Variants in ERG28 observed in about 807,000 individuals in gnomAD.
ERG28 encodes ergosterol biosynthetic protein 28 homolog.
In ERG28, 9 loss-of-function variants were observed where a neutral mutation model predicts 15.7. The observed-to-expected ratio is 0.57, with a 90% CI of 0.35 to 1.00. ERG28 has a LOEUF of 1.00. Among genes scored for constraint, ERG28 ranks in the 50% least tolerant of loss-of-function variants. ERG28 has a pLI of 0.02. For synonymous variants in ERG28, 61 were observed against 68.4 expected (o/e 0.89, Z 0.53); for missense variants, 117 against 173.3 (o/e 0.68, Z 1.82).
chr14:75,659,522 C>A lies in ERG28; in HGVS notation c.-32+1253G>T, dbSNP rs150397813. The stretch of plus-strand genomic sequence containing the variant: ...TGATCCACTCACCTTGGCCTCGCCT[C>A]CCAAATGCTGGGATTACAGGTGTGA... On this transcript the variant is annotated intron_variant, in intron 1 of 4. Transcript: ENST00000256319. Among the ~76,000 whole-genome samples the A allele has an allele frequency of 5.0e-4, 76 of 151,036 alleles. 1 individual carries two copies. In the East Asian group the frequency reaches 0.01, roughly 21 times the overall value.
At chr14:75,656,438 T>C (rs1368080977) in intron 2 of ERG28, among the ~76,000 whole-genome samples, 1 of 152,142 alleles carries the variant, frequency 6.6e-6, no homozygotes, top group Non-Finnish European at 1.5e-5. Flanking sequence ...TGAATCTATA[T>C]AGGGTTCCAT....
intron 1 of ERG28, among the ~76,000 whole-genome samples, chr14:75,660,456 T>G (rs1890672716): frequency 6.6e-6 from 1 of 152,206 alleles, no homozygotes; most frequent in South Asian, 2.1e-4. Flanking sequence ...TTTCCTCATC[T>G]GCAAAATGGA....
At chr14:75,659,268 A>T (rs1171925781) in intron 1 of ERG28, among the ~76,000 whole-genome samples, 1 of 152,200 alleles carries the variant, frequency 6.6e-6, no homozygotes, top group Admixed American at 6.5e-5. Context: ...CCATTTTTTG[A>T]GAAAGAAAAG....
rs374948600 is a variant in ERG28 at position 75,657,404 on chromosome 14, G to C, written c.99C>G (p.Leu33=). Reference sequence around the variant, plus strand: ...GCTTGCCAGTGTAGAGCTTTTCATAGAGAAAAGTGTGGTCTCGGAAGCTCT... The same window carrying C: ...GCTTGCCAGTGTAGAGCTTTTCATACAGAAAAGTGTGGTCTCGGAAGCTCT... ...TLQSFRDHTF[L]YEKLYTGKPN... is the part of the protein sequence containing the mutation. Residue 33 remains leucine, a synonymous_variant, in exon 2 of 5, where the codon CTC becomes CTG. Coordinates refer to ENST00000256319, the MANE Select transcript of ERG28 (RefSeq NM_007176.4). 1.9e-5 allele frequency: 30 copies of C among 1,613,546 alleles called. No homozygotes were observed. Among genetic ancestry groups the C allele is most frequent in the Middle Eastern group, 3.3e-4 (2 of 6,062 alleles).
At chr14:75,657,324 G>A (rs374637736) in intron 2 of ERG28, 46 bp downstream of exon 2, 12 of 1,606,750 alleles carry the variant, frequency 7.5e-6, no homozygotes, top group African/African-American at 2.7e-5. Context: ...CATAGGGCCA[G>A]TCCTATAAGT....
At chr14:75,653,031 C>T (rs906234621) in intron 3 of ERG28, among the ~76,000 whole-genome samples, 10 of 151,936 alleles carry the variant, frequency 6.6e-5, no homozygotes, top group Middle Eastern at 3.4e-3. Flanking sequence ...GCCATGTTGG[C>T]CAAGCTGGTC....
Position 75,655,666 on chromosome 14 carries a change from G to A in ERG28, c.134-690C>T, listed in dbSNP as rs892220875. Among the ~76,000 whole-genome samples the A allele has an allele frequency of 2.6e-5, 4 of 152,096 alleles. No homozygotes were observed. In the East Asian group the frequency reaches 7.7e-4, roughly 29 times the overall value. ...ACCATAACAGTGGTTCTTGACTTTG[G>A]GCATTTATTACAATCAACTGAGGTA... On this transcript the variant is annotated intron_variant, in intron 2 of 4. Transcript: ENST00000256319.
intron 3 of ERG28, 51 bp downstream of exon 3, chr14:75,654,835 G>A (rs542477179): frequency 2.6e-5 from 40 of 1,525,188 alleles, no homozygotes; most frequent in African/African-American, 4.1e-5. Context: ...GGTATGCCTC[G>A]CATCTGATTT....
At chr14:75,653,988 T>C (rs1451899535) in intron 3 of ERG28, among the ~76,000 whole-genome samples, 1 of 151,878 alleles carries the variant, frequency 6.6e-6, no homozygotes, top group Non-Finnish European at 1.5e-5. Flanking sequence ...AAACGGCTAA[T>C]AGCCCTGCTT....
Position 75,651,464 on chromosome 14 carries a change from G to A in ERG28, c.*91C>T. 7.9e-7 allele frequency: 1 copy of A among 1,272,254 alleles called. No individual in the cohort carries two copies. Among genetic ancestry groups the A allele is most frequent in the Non-Finnish European group, 1.1e-6 (1 of 898,542 alleles). 78.8% of individuals were successfully genotyped at this position (1,272,254 alleles called of 1,614,324 possible). A position where few individuals can be genotyped will look rare whatever the true frequency, so the allele number is the denominator to read the frequency against. Reference sequence around the variant, plus strand: ...AAAGTGAATAAAAGGGCAGATGATGGAATAGAAAAGAAATTAAAGAGGAGA... The same window carrying A: ...AAAGTGAATAAAAGGGCAGATGATGAAATAGAAAAGAAATTAAAGAGGAGA... On this transcript the variant is annotated 3_prime_UTR_variant, in exon 5 of 5. Coordinates refer to ENST00000256319, the MANE Select transcript of ERG28 (RefSeq NM_007176.4).
intron 1 of ERG28, among the ~76,000 whole-genome samples, chr14:75,658,495 C>T (rs946248728): frequency 6.6e-6 from 1 of 152,176 alleles, no homozygotes; most frequent in Non-Finnish European, 1.5e-5. Context: ...GGACAAGAGA[C>T]TGATTTCAGT....
chr14:75,655,949 T>C (rs367891845), intron 2 of ERG28, among the ~76,000 whole-genome samples: 2 of 152,338 alleles, frequency 1.3e-5, no homozygotes, highest in East Asian at 3.9e-4. Context: ...AATGTTTACT[T>C]GGGCTTTAAG....
chr14:75,651,726 G>A, intron 4 of ERG28, 45 bp downstream of exon 4: 1 of 1,592,444 alleles, frequency 6.3e-7, no homozygotes, highest in Non-Finnish European at 8.6e-7. Flanking sequence ...TAGCTCTAGA[G>A]CTGGCACAGC....
rs187321148 is a variant in ERG28, at chr14:75,659,812, C to G, written c.-32+963G>C. On this transcript the variant is annotated intron_variant, in intron 1 of 4. Coordinates refer to ENST00000256319, the MANE Select transcript of ERG28 (RefSeq NM_007176.4). The stretch of plus-strand genomic sequence containing the variant: ...AAGTTTCGGTATTGTTCTCTGCTAC[C>G]CAGTGGGACAGATATTAAAGTCAGC... 6.2e-3 allele frequency among the ~76,000 whole-genome samples: 944 copies of G among 152,102 alleles called. 13 individuals are homozygous for G. Among genetic ancestry groups the G allele is most frequent in the African/African-American group, 0.02 (814 of 41,426 alleles).
intron 2 of ERG28, among the ~76,000 whole-genome samples, chr14:75,656,603 G>C (rs1890601253): frequency 6.6e-6 from 1 of 152,124 alleles, no homozygotes; most frequent in South Asian, 2.1e-4. Context: ...AACGAGCTAG[G>C]TCAGAGCCTG....
chr14:75,656,589 GA>G, intron 2 of ERG28, among the ~76,000 whole-genome samples: 1 of 152,170 alleles, frequency 6.6e-6, no homozygotes. Context: ...AGACACTGCA[GA>G]AAAACGAGCT....
Position 75,654,919 on chromosome 14 carries a change from CG to C in ERG28, c.190del (p.Arg64AlafsTer48). The C allele has an allele frequency of 6.2e-7, 1 of 1,614,052 alleles. No individual in the cohort carries two copies. Among genetic ancestry groups the C allele is most frequent in the Non-Finnish European group, 8.5e-7 (1 of 1,179,922 alleles). ...GIWTLLSSVI[R>X]CLCAIDIHNK... is the part of the protein sequence containing the mutation. The stretch of plus-strand genomic sequence containing the variant: ...GTGAATGTCAATGGCACAGAGGCAG[CG>C]AATCACTGATGAGAGCAGCGTCCAG... On this transcript the variant is annotated frameshift_variant, in exon 3 of 5. Coordinates refer to ENST00000256319, the MANE Select transcript of ERG28 (RefSeq NM_007176.4). LOFTEE classifies it high-confidence loss of function.
intron 1 of ERG28, among the ~76,000 whole-genome samples, chr14:75,657,933 A>G (rs1476492344): frequency 1.3e-5 from 2 of 152,186 alleles, no homozygotes; most frequent in African/African-American, 4.8e-5. Context: ...TGAGGTCACT[A>G]TTTACATCCC....
At chr14:75,656,569 T>C (rs1040506329) in intron 2 of ERG28, among the ~76,000 whole-genome samples, 2 of 152,228 alleles carry the variant, frequency 1.3e-5, no homozygotes, top group African/African-American at 4.8e-5. Context: ...CTTAATTTCA[T>C]TTTATACTCA....
Sources: gnomAD v4.1 joint callset for allele counts (sites outside exome capture counted in the v4.1 genomes callset) on GRCh38, gnomAD v4.1.1 for gene constraint, MANE v1.5 for transcripts, NCBI Gene and HGNC (gene_info 2026-07-23, HGNC 2026-07-21) for gene names.